The following FMNL1 variants were observed in gnomAD, a reference collection of about 807,000 sequenced individuals.
FMNL1 encodes formin-like protein 1.
In FMNL1, 43 loss-of-function variants were observed where a neutral mutation model predicts 121.3. That is an observed-to-expected ratio of 0.35 (90% CI 0.28 to 0.46). FMNL1 has a LOEUF of 0.46. FMNL1 is among the 20% of genes least tolerant of loss of function. The pLI, the probability that FMNL1 is intolerant of heterozygous loss-of-function variation, is 1.00. For synonymous variants in FMNL1, 613 were observed against 613.5 expected (o/e 1.00, Z 0.01); for missense variants, 1,191 against 1,482.4 (o/e 0.80, Z 3.23).
chr17:45,246,674 A>G (rs2143677719), intron 26 of FMNL1, 70 bp downstream of exon 26: 2 of 1,463,964 alleles, frequency 1.4e-6, no homozygotes, highest in African/African-American at 2.8e-5. Flanking sequence ...GAACTGAGGC[A>G]TGCTGCCTTC....
intron 6 of FMNL1, chr17:45,234,858 C>T (rs1251339187): frequency 6.5e-6 from 1 of 154,298 alleles, no homozygotes; most frequent in Non-Finnish European, 1.4e-5. Context: ...CGGTACGTAG[C>T]CATCTAGGGG....
Position 45,243,124 on chromosome 17 carries a change from G to A in FMNL1, c.2017G>A (p.Asp673Asn), listed in dbSNP as rs1478029492. Residue 673 changes from aspartate to asparagine, a missense_variant, in exon 17 of 27, where the codon GAC becomes AAC. By Grantham distance (23) the Asp-to-Asn change is conservative (BLOSUM62 1). Coordinates refer to ENST00000331495, the MANE Select transcript of FMNL1 (RefSeq NM_005892.4). ...CCTCACCCTGTACCTTCAGGAGCTA[G>A]ACATGAGTGATTTTGAGGAACAGTT... is the stretch of plus-strand genomic sequence containing the variant. ...LNDEKVLQEL[D>N]MSDFEEQFKT... 6.2e-7 allele frequency: 1 copy of A among 1,614,208 alleles called. No individual in the cohort carries two copies.
rs1259153511 is a variant in FMNL1 at position 45,246,568 on chromosome 17, C to A, written c.3275C>A (p.Ala1092Asp). The A allele has an allele frequency of 6.2e-7, 1 of 1,611,230 alleles. No individual in the cohort carries two copies. The highest frequency in any genetic ancestry group is 1.7e-5 in the Admixed American group (1 of 59,892). ...GKRTSRLLCEASLGEEMPL is the reference protein window; with the variant it reads ...GKRTSRLLCEDSLGEEMPL ...CGGACATCCCGGCTCCTCTGTGAGGCCAGCCTGGGAGAAGAGATGCCCCTC... is the reference window on the plus strand; with the variant it reads ...CGGACATCCCGGCTCCTCTGTGAGGACAGCCTGGGAGAAGAGATGCCCCTC... The change falls in exon 26 of 27, where the codon GCC (alanine) becomes GAC (aspartate). Residue 1092 changes from alanine to aspartate, a missense_variant. Physicochemically the swap from Ala to Asp is moderately radical, Grantham distance 126 (BLOSUM62 -2). Coordinates refer to ENST00000331495, the MANE Select transcript of FMNL1 (RefSeq NM_005892.4).
intron 3 of FMNL1, chr17:45,232,799 A>C (rs1299140289): frequency 1.7e-6 from 1 of 573,884 alleles, no homozygotes; most frequent in Non-Finnish European, 3.3e-6. Flanking sequence ...CCACTTATGG[A>C]TGTGTGTGTG....
At chr17:45,243,422 A>G in intron 17 of FMNL1, 102 bp downstream of exon 17, 1 of 1,337,750 alleles carries the variant, frequency 7.5e-7, no homozygotes, top group Admixed American at 2.1e-5. Context: ...GAGCTCTTTC[A>G]TCAGGCTTCA....
chr17:45,245,840 G>A (rs1359463141), intron 23 of FMNL1, 38 bp from the exon 24 acceptor site: 1 of 1,600,146 alleles, frequency 6.2e-7, no homozygotes, highest in South Asian at 1.1e-5. Context: ...TAGGGCAGTA[G>A]GGAGGGCCAC....
intron 1 of FMNL1, 124 bp from the exon 2 acceptor site, chr17:45,230,480 T>A: frequency 1.3e-6 from 1 of 774,952 alleles, no homozygotes. Flanking sequence ...TCTCCTAGGG[T>A]CAGAGGATTC....
rs199524034 is a variant in FMNL1 at position 45,240,423 on chromosome 17, TC to T, written c.1081-46del. ...TGGCAGGGGGGTGGTTTGGAAAGAC[TC>T]CCCCCCACACACACACCAGGCCTCA... On this transcript the variant is annotated intron_variant, in intron 11 of 26. Transcript: ENST00000331495. The T allele has an allele frequency of 8.9e-3, 13,423 of 1,500,512 alleles. 80 individuals carry two copies. Among genetic ancestry groups the T allele is most frequent in the South Asian group, 0.023 (1,730 of 74,180 alleles). The allele number at this position is 1,500,512 out of a possible 1,614,324, so 92.9% of individuals were successfully genotyped here.
chr17:45,239,267 A>G, intron 11 of FMNL1: 1 of 588,962 alleles, frequency 1.7e-6, no homozygotes. Context: ...ATCATAGAAG[A>G]TAATCTTGAC....
At chr17:45,234,698 GA>G (rs1301505509) in intron 6 of FMNL1, 1 of 141,880 alleles carries the variant, frequency 7.0e-6, no homozygotes, top group Non-Finnish European at 1.4e-5. Context: ...GAAAAGAAAA[GA>G]AAAAAGAAGC....
chr17:45,244,267 C>G, intron 19 of FMNL1, 23 bp downstream of exon 19: 1 of 1,600,888 alleles, frequency 6.2e-7, no homozygotes, highest in Non-Finnish European at 8.5e-7. Flanking sequence ...GAGGTGGGGC[C>G]CACCCTTGCC....
At position 45,241,764 on chromosome 17, in the gene FMNL1, G is replaced by A; in HGVS notation, c.1586-83G>A. The A allele has an allele frequency of 7.0e-7, 1 of 1,420,220 alleles. No individual in the cohort carries two copies. The highest frequency in any genetic ancestry group is 1.5e-5 in the South Asian group (1 of 66,204). The allele number at this position is 1,420,220 out of a possible 1,614,324, so 88.0% of individuals were successfully genotyped here. On this transcript the variant is annotated intron_variant, in intron 14 of 26. Coordinates refer to ENST00000331495, the MANE Select transcript of FMNL1 (RefSeq NM_005892.4). The surrounding 1 kb of genome is among the most constrained non-coding windows in gnomAD (Gnocchi z 7.0). ...GCTCGGCTCAGGTAGGAGCGCATGCGTAGAGCGGAGAGGCGGAGAGGGGCC... is the reference window on the plus strand; with the variant it reads ...GCTCGGCTCAGGTAGGAGCGCATGCATAGAGCGGAGAGGCGGAGAGGGGCC...
intron 17 of FMNL1, 45 bp from the exon 18 acceptor site, chr17:45,243,746 G>T: frequency 6.4e-7 from 1 of 1,566,602 alleles, no homozygotes; most frequent in Non-Finnish European, 8.7e-7. Flanking sequence ...CCAGGGACTG[G>T]TGGGTATGGA....
At chr17:45,238,874 G>A in intron 10 of FMNL1, 81 bp from the exon 11 acceptor site, 2 of 1,253,314 alleles carry the variant, frequency 1.6e-6, no homozygotes, top group Non-Finnish European at 2.3e-6. Context: ...GAAGGAGGGA[G>A]GCTTGGGGTA....
At position 45,230,090 on chromosome 17, in the gene FMNL1, G is replaced by A. The variant is rs145972883; in HGVS notation, c.130-514G>A. Among the ~76,000 whole-genome samples the A allele has an allele frequency of 6.9e-3, 1,047 of 152,330 alleles. 6 individuals carry two copies. Among genetic ancestry groups the A allele is most frequent in the Non-Finnish European group, 0.012 (808 of 68,038 alleles). ...CCTTGCAAGAGATTTCCTGGTGTTC[G>A]TGAGGCACTGGTGCCCTGGGCCTGG... On this transcript the variant is annotated intron_variant, in intron 1 of 26. Coordinates refer to ENST00000331495, the MANE Select transcript of FMNL1 (RefSeq NM_005892.4).
At position 45,247,248 on chromosome 17, in the gene FMNL1, C is replaced by G. The variant is rs903989373; in HGVS notation, c.*390C>G. ...TAACTTATAAAGTGCACCTCGCCCC[C>G]GCAAGCCCCAGCCCCGAGGACCGTC... is the stretch of plus-strand genomic sequence containing the variant. On this transcript the variant is annotated 3_prime_UTR_variant, in exon 27 of 27. Coordinates refer to ENST00000331495, the MANE Select transcript of FMNL1 (RefSeq NM_005892.4). 3 of 451,756 alleles carry G rather than the reference C, an allele frequency of 6.6e-6. No individual in the cohort carries two copies. Among genetic ancestry groups the G allele is most frequent in the Admixed American group, 7.4e-5 (2 of 27,172 alleles). 28.0% of individuals were successfully genotyped at this position (451,756 alleles called of 1,614,324 possible). A position where few individuals can be genotyped will look rare whatever the true frequency, so the allele number is the denominator to read the frequency against.
At position 45,246,460 on chromosome 17, in the gene FMNL1, T is replaced by C. The variant is rs752882891; in HGVS notation, c.3212-45T>C. On this transcript the variant is annotated intron_variant, in intron 25 of 26. Coordinates refer to ENST00000331495, the MANE Select transcript of FMNL1 (RefSeq NM_005892.4). ...TGCTACCTTTTCTGTTTTTCTTTCC[T>C]TTTTCCTTTCTCTACTCCCCTTCAC... is the stretch of plus-strand genomic sequence containing the variant. The C allele has an allele frequency of 3.1e-6, 5 of 1,613,446 alleles. No homozygotes were observed. The Admixed American group carries it at 8.3e-5, about 27-fold the overall frequency.
Position 45,233,859 on chromosome 17 carries a change from G to T in FMNL1, c.485+128G>T. 7.3e-7 allele frequency: 1 copy of T among 1,372,822 alleles called. No homozygotes were observed. 85.0% of individuals were successfully genotyped at this position (1,372,822 alleles called of 1,614,324 possible). A position where few individuals can be genotyped will look rare whatever the true frequency, so the allele number is the denominator to read the frequency against. ...GAGCCTACCCTGGAACCCTCCACTT[G>T]GCCTTGAGCGATGCTCCTTCCAGAA... On this transcript the variant is annotated intron_variant, in intron 5 of 26. Transcript: ENST00000331495. This position sits in a 1 kb window ranked among gnomAD's most constrained non-coding sequence, Gnocchi z 4.1.
At position 45,237,214 on chromosome 17, in the gene FMNL1, C is replaced by A. The variant is rs955819836; in HGVS notation, c.724-67C>A. Reference sequence around the variant, plus strand: ...AAACTCGAGGGCAGTTAAAGATCCACGTGGCGTGGGTGCCTGAAGTCCTGG... The same window carrying A: ...AAACTCGAGGGCAGTTAAAGATCCAAGTGGCGTGGGTGCCTGAAGTCCTGG... On this transcript the variant is annotated intron_variant, in intron 7 of 26. Transcript: ENST00000331495. This position sits in a 1 kb window ranked among gnomAD's most constrained non-coding sequence, Gnocchi z 4.4. 2.0e-6 allele frequency: 3 copies of A among 1,472,374 alleles called. No individual in the cohort carries two copies. Among genetic ancestry groups the A allele is most frequent in the South Asian group, 1.1e-5 (1 of 87,684 alleles). The allele number at this position is 1,472,374 out of a possible 1,614,324, so 91.2% of individuals were successfully genotyped here.
Sources: gnomAD v4.1 joint callset for allele counts (sites outside exome capture counted in the v4.1 genomes callset) on GRCh38, gnomAD v4.1.1 for gene constraint, Gnocchi (gnomAD v3.1) non-coding constraint, MANE v1.5 for transcripts, NCBI Gene and HGNC (gene_info 2026-07-23, HGNC 2026-07-21) for gene names.